ADAM23: variants seen among roughly 807,000 people sequenced by gnomAD.
The protein encoded by ADAM23 is disintegrin and metalloproteinase domain-containing protein 23.
ADAM23 carries 33 observed loss-of-function variants against 120.1 expected under a neutral mutation model. That is an observed-to-expected ratio of 0.27 (90% CI 0.21 to 0.37). The LOEUF (loss-of-function observed/expected upper bound fraction) is 0.37. Among genes scored for constraint, ADAM23 ranks in the 10% least tolerant of loss-of-function variants. ADAM23 has a pLI of 1.00. For synonymous variants in ADAM23, 367 were observed against 375.2 expected (o/e 0.98, Z 0.25); for missense variants, 862 against 1,058.2 (o/e 0.81, Z 2.57).
At chr2:206,527,141 T>A (rs942077397) in intron 3 of ADAM23, among the ~76,000 whole-genome samples, 1 of 152,254 alleles carries the variant, frequency 6.6e-6, no homozygotes, top group Non-Finnish European at 1.5e-5. Flanking sequence ...GAATTTAGGA[T>A]GTTCAGAGTT....
rs1221855809 is a variant in ADAM23 at position 206,443,953 on chromosome 2, C to T, written c.87C>T (p.Pro29=). ...CTTCCTGCGGCCCCCAACGCGGCCC[C>T]GCCGGCTCGGTGCCTGCCAGCGCCC... ...AGASCGPQRG[P]AGSVPASAPA... The change falls in exon 1 of 26, where the codon CCC becomes CCT. Residue 29 remains proline, a synonymous_variant. Transcript: ENST00000264377. 18 of 1,276,674 alleles carry T rather than the reference C, an allele frequency of 1.4e-5. No homozygotes were observed. The highest frequency in any genetic ancestry group is 1.8e-5 in the Non-Finnish European group (18 of 1,015,536). 79.1% of individuals were successfully genotyped at this position (1,276,674 alleles called of 1,614,324 possible). A position where few individuals can be genotyped will look rare whatever the true frequency, so the allele number is the denominator to read the frequency against.
At chr2:206,527,215 G>A (rs1245188971) in intron 3 of ADAM23, among the ~76,000 whole-genome samples, 2 of 152,200 alleles carry the variant, frequency 1.3e-5, no homozygotes, top group Non-Finnish European at 2.9e-5. Flanking sequence ...AAAGTAAAAT[G>A]CCAGTTTATA....
At chr2:206,543,120 C>A in intron 5 of ADAM23, 133 bp from the exon 6 acceptor site, 1 of 749,438 alleles carries the variant, frequency 1.3e-6, no homozygotes, top group Non-Finnish European at 2.2e-6. Context: ...GTGAATTAAA[C>A]TTGTGACAGT....
chr2:206,524,609 G>A (rs1024810288), intron 3 of ADAM23, among the ~76,000 whole-genome samples: 1 of 152,256 alleles, frequency 6.6e-6, no homozygotes, highest in Non-Finnish European at 1.5e-5. Flanking sequence ...CATGGTGGAA[G>A]GTGAAGGGTA....
At chr2:206,485,999 G>T (rs1279076761) in intron 3 of ADAM23, among the ~76,000 whole-genome samples, 2 of 152,196 alleles carry the variant, frequency 1.3e-5, no homozygotes. Context: ...TTCAAGAAGG[G>T]CAGAGGCCAT....
chr2:206,483,717 G>T (rs1359754657), intron 3 of ADAM23, among the ~76,000 whole-genome samples: 1 of 152,128 alleles, frequency 6.6e-6, no homozygotes, highest in African/African-American at 2.4e-5. Context: ...AATCTAATGA[G>T]GTAAGAGGCA....
chr2:206,516,940 G>C (rs923612754), intron 3 of ADAM23, among the ~76,000 whole-genome samples: 4 of 151,958 alleles, frequency 2.6e-5, no homozygotes, highest in African/African-American at 9.7e-5. Context: ...ATTTCCTCCT[G>C]ATCATTGTGG....
intron 3 of ADAM23, among the ~76,000 whole-genome samples, chr2:206,487,088 C>T (rs1003356730): frequency 1.3e-5 from 2 of 152,168 alleles, no homozygotes; most frequent in Non-Finnish European, 2.9e-5. Context: ...CTTTAGTTTC[C>T]TTCCGAAGCT....
At chr2:206,497,247 T>G (rs1422806999) in intron 3 of ADAM23, among the ~76,000 whole-genome samples, 1 of 151,986 alleles carries the variant, frequency 6.6e-6, no homozygotes, top group African/African-American at 2.4e-5. Flanking sequence ...GATGCAAAAA[T>G]CCTCAGTAAA....
At chr2:206,503,867 T>C (rs1405426902) in intron 3 of ADAM23, among the ~76,000 whole-genome samples, 1 of 152,184 alleles carries the variant, frequency 6.6e-6, no homozygotes. Flanking sequence ...CTCAGAGTTA[T>C]CATGGCTTCA....
At chr2:206,517,455 C>T (rs1696758299) in intron 3 of ADAM23, among the ~76,000 whole-genome samples, 1 of 152,110 alleles carries the variant, frequency 6.6e-6, no homozygotes, top group Non-Finnish European at 1.5e-5. Flanking sequence ...GTTGACTCTT[C>T]ATCAACAAAT....
intron 2 of ADAM23, among the ~76,000 whole-genome samples, chr2:206,466,522 A>T (rs1031648049): frequency 6.6e-6 from 1 of 152,200 alleles, no homozygotes; most frequent in Non-Finnish European, 1.5e-5. Flanking sequence ...TATCCACAGA[A>T]TTATATACCC....
chr2:206,620,406 A>G lies in ADAM23; in HGVS notation c.*2779A>G, dbSNP rs1699032466. 6.6e-6 allele frequency: 1 copy of G among 152,162 alleles called. No individual in the cohort carries two copies. Among genetic ancestry groups the G allele is most frequent in the Non-Finnish European group, 1.5e-5 (1 of 68,028 alleles). The allele number at this position is 152,162 out of a possible 1,614,324, so 9.4% of individuals were successfully genotyped here. A position where few individuals can be genotyped will look rare whatever the true frequency, so the allele number is the denominator to read the frequency against. On this transcript the variant is annotated 3_prime_UTR_variant, in exon 26 of 26. Coordinates refer to ENST00000264377, the MANE Select transcript of ADAM23 (RefSeq NM_003812.4). ...GTGTATGAATATGAAAGTTAATGCA[A>G]CCATATCAATTGTAAAAATGGATTA...
At chr2:206,467,369 C>T (rs187427232) in intron 2 of ADAM23, among the ~76,000 whole-genome samples, 2 of 152,346 alleles carry the variant, frequency 1.3e-5, no homozygotes, top group Admixed American at 6.5e-5. Flanking sequence ...GGTAAATACT[C>T]CCATTCCAAA....
intron 13 of ADAM23, among the ~76,000 whole-genome samples, chr2:206,564,181 T>C (rs1697831143): frequency 6.6e-6 from 1 of 151,972 alleles, no homozygotes; most frequent in Admixed American, 6.6e-5. Flanking sequence ...TACCTCTCTC[T>C]ATATATATAC....
At chr2:206,475,754 A>G (rs1447682885) in intron 2 of ADAM23, among the ~76,000 whole-genome samples, 1 of 152,008 alleles carries the variant, frequency 6.6e-6, no homozygotes, top group African/African-American at 2.4e-5. Flanking sequence ...CTTCTCTGAA[A>G]CATTATAAAA....
rs375635091 is a variant in ADAM23, at chr2:206,523,105, C to A, written c.510-7780C>A. Among the ~76,000 whole-genome samples, 4 of 152,120 alleles carry A rather than the reference C, an allele frequency of 2.6e-5. No homozygotes were observed. The East Asian group carries it at 7.7e-4, about 29-fold the overall frequency. Reference sequence around the variant, plus strand: ...AGGGTTCTCAGCTTTTATATCACCTCAAGTCTCCTAACTCTTTGTTTCTCC... The same window carrying A: ...AGGGTTCTCAGCTTTTATATCACCTAAAGTCTCCTAACTCTTTGTTTCTCC... On this transcript the variant is annotated intron_variant, in intron 3 of 25. Coordinates refer to ENST00000264377, the MANE Select transcript of ADAM23 (RefSeq NM_003812.4).
At chr2:206,609,697 G>A (rs1698793225) in intron 24 of ADAM23, 1 of 496,488 alleles carries the variant, frequency 2.0e-6, no homozygotes, top group Non-Finnish European at 3.5e-6. Context: ...ATTGTCAATG[G>A]TGCAGAAACT....
intron 3 of ADAM23, among the ~76,000 whole-genome samples, chr2:206,496,943 C>T (rs2105890113): frequency 6.6e-6 from 1 of 152,314 alleles, no homozygotes; most frequent in Admixed American, 6.5e-5. Context: ...TCTCCCAAGA[C>T]TAAACCAGGA....
Sources: allele counts gnomAD v4.1 joint callset (sites outside exome capture counted in the v4.1 genomes callset), GRCh38; gene constraint gnomAD v4.1.1; transcripts MANE v1.5; gene names NCBI Gene and HGNC (gene_info 2026-07-23, HGNC 2026-07-21).